The following LPIN1 variants were observed in gnomAD, a reference collection of about 807,000 sequenced individuals.
LPIN1 encodes phosphatidate phosphatase LPIN1.
Under a neutral mutation model 107.5 loss-of-function variants are expected in LPIN1, and 71 were observed. The observed-to-expected ratio is 0.66, with a 90% CI of 0.55 to 0.80. The LOEUF is 0.80. Ranked by LOEUF, LPIN1 falls within the 30% of genes least tolerant of loss-of-function variation. The pLI is 0.00. For missense variants in LPIN1, 1,043 were observed against 1,160.6 expected, an observed-to-expected ratio of 0.90 and a Z score of 1.47; for synonymous variants, 445 against 452.6, an observed-to-expected ratio of 0.98 and a Z score of 0.21.
At chr2:11,818,429 A>C (rs1680958625) in intron 18 of LPIN1, 1 of 152,050 alleles carries the variant, frequency 6.6e-6, no homozygotes. Flanking sequence ...TATATTTTAA[A>C]ATTTGATTTA....
upstream of LPIN1, chr2:11,746,628 C>A: frequency 1.0e-6 from 1 of 985,366 alleles, no homozygotes; most frequent in Non-Finnish European, 1.2e-6. Flanking sequence ...CGGCGGCGGG[C>A]TGGGTGTTTG....
intron 1 of LPIN1, among the ~76,000 whole-genome samples, chr2:11,753,918 C>A (rs764420544): frequency 1.3e-5 from 2 of 152,094 alleles, no homozygotes; most frequent in African/African-American, 2.4e-5. Flanking sequence ...GTGATCTCGG[C>A]GAACACCAGT....
At chr2:11,802,353 C>T (rs987616549) in intron 14 of LPIN1, among the ~76,000 whole-genome samples, 1 of 152,166 alleles carries the variant, frequency 6.6e-6, no homozygotes, top group African/African-American at 2.4e-5. Flanking sequence ...GGAAGTAAGG[C>T]GTATTCCTTG....
chr2:11,685,699 C>A (rs1661967819), intron 1 of LPIN1, among the ~76,000 whole-genome samples: 1 of 152,160 alleles, frequency 6.6e-6, no homozygotes. Flanking sequence ...CTAGGCATGC[C>A]TATGGCAGAG....
At chr2:11,691,084 GT>G (rs59865645) in intron 1 of LPIN1, among the ~76,000 whole-genome samples, 238 of 140,580 alleles carry the variant, frequency 1.7e-3, no homozygotes, top group African/African-American at 4.9e-3. Context: ...TCTTGTTGTG[GT>G]TTTTTTTTTT....
chr2:11,743,305 C>T (rs954233101), upstream of LPIN1, among the ~76,000 whole-genome samples: 18 of 152,292 alleles, frequency 1.2e-4, no homozygotes, highest in Admixed American at 2.0e-4. This position sits in a 1 kb window ranked among gnomAD's most constrained non-coding sequence, Gnocchi z 4.7. Context: ...CCCGGGTGAC[C>T]GTCAAAACCT....
At chr2:11,738,374 T>G (rs1174805051) in intron 1 of LPIN1, among the ~76,000 whole-genome samples, 2 of 147,156 alleles carry the variant, frequency 1.4e-5, no homozygotes, top group Non-Finnish European at 3.0e-5. Flanking sequence ...TCCCACAACT[T>G]AAGGTATAAT....
chr2:11,760,537 C>T (rs569827853), intron 1 of LPIN1, among the ~76,000 whole-genome samples: 2 of 152,336 alleles, frequency 1.3e-5, no homozygotes, highest in South Asian at 4.1e-4. Context: ...GAAAACCAGT[C>T]AGGCGTGGCG....
At chr2:11,746,700 C>A in intron 1 of LPIN1, 29 bp downstream of exon 1, 4 of 979,242 alleles carry the variant, frequency 4.1e-6, no homozygotes, top group Non-Finnish European at 4.9e-6. Flanking sequence ...CAGCCTCCCG[C>A]TGTGGAGCAG....
At chr2:11,805,015 G>A (rs1678419876) in intron 16 of LPIN1, 55 bp from the exon 17 acceptor site, 2 of 1,012,424 alleles carry the variant, frequency 2.0e-6, no homozygotes, top group South Asian at 1.3e-5. Context: ...CATGAATGGT[G>A]CAATGAATCT....
intron 1 of LPIN1, among the ~76,000 whole-genome samples, chr2:11,738,565 A>T (rs563506556): frequency 6.7e-6 from 1 of 149,562 alleles, no homozygotes; most frequent in Non-Finnish European, 1.5e-5. Context: ...CTGGACAAGT[A>T]TGTGAAACAA....
At chr2:11,776,033 A>G (rs185474075) in intron 5 of LPIN1, 53 bp from the exon 6 acceptor site, 1 of 915,580 alleles carries the variant, frequency 1.1e-6, no homozygotes, top group Admixed American at 2.1e-5. Context: ...ACTTGATGTA[A>G]TTGACCTCTG....
intron 1 of LPIN1, among the ~76,000 whole-genome samples, chr2:11,694,353 G>A (rs760325320): frequency 6.6e-6 from 1 of 152,134 alleles, no homozygotes; most frequent in Non-Finnish European, 1.5e-5. Flanking sequence ...CAAAGAGCAC[G>A]CCACCATGGC....
At chr2:11,797,673 A>G (rs1159342854) in intron 14 of LPIN1, among the ~76,000 whole-genome samples, 2 of 152,204 alleles carry the variant, frequency 1.3e-5, no homozygotes, top group African/African-American at 2.4e-5. Context: ...TATTTACCCA[A>G]TGCCTGTACC....
chr2:11,738,945 A>G (rs903410524), intron 1 of LPIN1, among the ~76,000 whole-genome samples: 6 of 152,238 alleles, frequency 3.9e-5, no homozygotes, highest in Non-Finnish European at 5.9e-5. Context: ...TGTGTCTGTG[A>G]GAGCAGCTTA....
chr2:11,759,123 GCTTTCTTTCTTTTCTTTCTTTCTTTCTTT>G lies in LPIN1; in HGVS notation c.-9-6397_-9-6369del, dbSNP rs1215171129. On this transcript the variant is annotated intron_variant, in intron 1 of 20. Coordinates refer to ENST00000674199, the MANE Select transcript of LPIN1 (RefSeq NM_001349206.2). ...TATCCAGTTATGAGCTAGCTAGCTT[GCTTTCTTTCTTTTCTTTCTTTCTTTCTTT>G]CTTTCTTTCTTTCTTTCTTTCTTTC... 2.2e-3 allele frequency among the ~76,000 whole-genome samples: 329 copies of G among 146,876 alleles called. 1 individual carries two copies. Among genetic ancestry groups the G allele is most frequent in the Non-Finnish European group, 3.7e-3 (247 of 66,646 alleles).
At chr2:11,759,141 CTTT>C (rs1669165775) in intron 1 of LPIN1, among the ~76,000 whole-genome samples, 2 of 83,376 alleles carry the variant, frequency 2.4e-5, no homozygotes, top group Non-Finnish European at 5.2e-5. Context: ...TCTTTTCTTT[CTTT>C]CTTTCTTTCT....
chr2:11,688,480 G>C (rs1662116837), intron 1 of LPIN1, among the ~76,000 whole-genome samples: 1 of 152,154 alleles, frequency 6.6e-6, no homozygotes, highest in Non-Finnish European at 1.5e-5. Context: ...CAGTTTCCAC[G>C]CCCTGCTGTA....
chr2:11,719,134 C>G (rs1389337632), intron 2 of LPIN1, among the ~76,000 whole-genome samples: 4 of 152,196 alleles, frequency 2.6e-5, no homozygotes, highest in Non-Finnish European at 5.9e-5. Context: ...CAACCCAAAT[C>G]TGAGCTTCTG....
Sources: allele counts gnomAD v4.1 joint callset (sites outside exome capture counted in the v4.1 genomes callset), GRCh38; gene constraint gnomAD v4.1.1; non-coding constraint Gnocchi (gnomAD v3.1); transcripts MANE v1.5; gene names NCBI Gene and HGNC (gene_info 2026-07-23, HGNC 2026-07-21).